The following CARF variants were observed in gnomAD, a reference collection of about 807,000 sequenced individuals.
CARF encodes the protein calcium responsive transcription factor.
Under a neutral mutation model 82.0 loss-of-function variants are expected in CARF, and 57 were observed. The observed-to-expected ratio is 0.70, with a 90% CI of 0.56 to 0.87. CARF has a LOEUF of 0.87. CARF is among the 40% of genes least tolerant of loss of function. The pLI is 0.00. For missense variants in CARF, 771 were observed against 855.8 expected, an observed-to-expected ratio of 0.90 and a Z score of 1.24; for synonymous variants, 268 against 290.1, an observed-to-expected ratio of 0.92 and a Z score of 0.77.
chr2:202,930,170 C>T (rs1289660750), intron 3 of CARF, among the ~76,000 whole-genome samples: 1 of 152,132 alleles, frequency 6.6e-6, no homozygotes, highest in African/African-American at 2.4e-5. Context: ...GCCTTAGCCT[C>T]CTGAATAGCC....
At chr2:202,963,201 C>T (rs1405857438) in intron 9 of CARF, 1 of 152,236 alleles carries the variant, frequency 6.6e-6, no homozygotes, top group African/African-American at 2.4e-5. Context: ...GCCTCTAGTC[C>T]CAGCTACGCG....
intron 3 of CARF, among the ~76,000 whole-genome samples, chr2:202,935,506 A>G (rs528988166): frequency 1.3e-5 from 2 of 151,948 alleles, no homozygotes; most frequent in African/African-American, 4.8e-5. Flanking sequence ...CAGTGGCACA[A>G]TCACAGCTCC....
chr2:202,970,270 C>T (rs1327922167), intron 11 of CARF, among the ~76,000 whole-genome samples: 1 of 152,076 alleles, frequency 6.6e-6, no homozygotes, highest in Non-Finnish European at 1.5e-5. Flanking sequence ...ATAATTCAGA[C>T]CAAAGAATTA....
chr2:202,967,727 A>G (rs1371547210), intron 10 of CARF, among the ~76,000 whole-genome samples: 1 of 152,240 alleles, frequency 6.6e-6, no homozygotes. Flanking sequence ...GTGTTTCAGT[A>G]GGAAAAATTC....
Position 202,954,026 on chromosome 2 carries a change from G to T in CARF, c.449G>T (p.Ser150Ile). Residue 150 changes from serine to isoleucine, a missense_variant, in exon 7 of 17, where the codon AGT becomes ATT. Transcript: ENST00000438828. ...TAAGATGTCCCTGAAGAGAAACCCA[G>T]TAACAGAAACTTACCAACTGTAAGA... ...SPRDVPEEKP[S>I]NRNLPTVRVD... 1 of 1,608,154 alleles carries T rather than the reference G, an allele frequency of 6.2e-7. No individual in the cohort carries two copies. The highest frequency in any genetic ancestry group is 8.5e-7 in the Non-Finnish European group (1 of 1,177,944).
At chr2:202,977,971 G>C (rs1236837805) in intron 14 of CARF, among the ~76,000 whole-genome samples, 3 of 152,000 alleles carry the variant, frequency 2.0e-5, no homozygotes, top group African/African-American at 7.2e-5. Context: ...TCAGCCTCCC[G>C]AGTAGCTGGG....
intron 1 of CARF, among the ~76,000 whole-genome samples, chr2:202,915,594 C>A (rs1377870042): frequency 6.6e-6 from 1 of 152,096 alleles, no homozygotes; most frequent in Non-Finnish European, 1.5e-5. Flanking sequence ...CTCAGCCTCC[C>A]GAGTAGCTGG....
At chr2:202,935,133 T>C (rs905333977) in intron 3 of CARF, among the ~76,000 whole-genome samples, 1 of 139,604 alleles carries the variant, frequency 7.2e-6, no homozygotes, top group African/African-American at 2.6e-5. Flanking sequence ...TTTATAATTA[T>C]ATAATATAAT....
intron 3 of CARF, among the ~76,000 whole-genome samples, chr2:202,936,455 T>C (rs1025436060): frequency 6.6e-6 from 1 of 152,208 alleles, no homozygotes; most frequent in African/African-American, 2.4e-5. Context: ...GCCTCTGGCA[T>C]CCACCAGTCT....
chr2:202,914,021 A>G (rs1689134366), intron 1 of CARF, among the ~76,000 whole-genome samples: 1 of 152,118 alleles, frequency 6.6e-6, no homozygotes, highest in Non-Finnish European at 1.5e-5. Context: ...ATAACTAAAT[A>G]CCCAGCATTA....
At chr2:202,948,513 A>T (rs1383452003) in intron 5 of CARF, among the ~76,000 whole-genome samples, 1 of 151,932 alleles carries the variant, frequency 6.6e-6, no homozygotes, top group Non-Finnish European at 1.5e-5. Flanking sequence ...ATTTGTTCGT[A>T]TCTTCTCTGA....
chr2:202,957,669 CT>C (rs924614756), intron 8 of CARF, among the ~76,000 whole-genome samples: 34 of 152,162 alleles, frequency 2.2e-4, no homozygotes, highest in African/African-American at 8.2e-4. Context: ...TATTTACTAG[CT>C]TAGGCCGGGT....
intron 3 of CARF, among the ~76,000 whole-genome samples, chr2:202,941,049 T>G (rs1200336887): frequency 3.3e-5 from 5 of 152,010 alleles, no homozygotes; most frequent in Admixed American, 3.3e-4. Flanking sequence ...TCTCAAATAA[T>G]ATAGGTATAA....
At chr2:202,974,653 C>T (rs1482983331) in intron 13 of CARF, among the ~76,000 whole-genome samples, 157 bp downstream of exon 13, 1 of 152,112 alleles carries the variant, frequency 6.6e-6, no homozygotes, top group Non-Finnish European at 1.5e-5. Flanking sequence ...AATCCCAACA[C>T]TTTGGGAGGC....
rs1198838924 is a variant in CARF at position 202,986,312 on chromosome 2, T to G, written c.*2688T>G. The stretch of plus-strand genomic sequence containing the variant: ...TTTAAAATGTTTAATTATTTTGAAA[T>G]GTATAGGGTATTAAATACAAGCTTC... On this transcript the variant is annotated 3_prime_UTR_variant, in exon 17 of 17. Transcript: ENST00000438828. 6.6e-6 allele frequency: 1 copy of G among 152,166 alleles called. No individual in the cohort carries two copies. The highest frequency in any genetic ancestry group is 1.5e-5 in the Non-Finnish European group (1 of 67,992). The allele number at this position is 152,166 out of a possible 1,614,324, so 9.4% of individuals were successfully genotyped here.
At chr2:202,945,021 A>C (rs933032731) in intron 5 of CARF, among the ~76,000 whole-genome samples, 1 of 152,220 alleles carries the variant, frequency 6.6e-6, no homozygotes, top group Non-Finnish European at 1.5e-5. Flanking sequence ...AATAGGAAAC[A>C]TGGTATGAAG....
Position 202,981,618 on chromosome 2 carries a change from C to T in CARF, c.1622C>T (p.Ser541Phe). The change falls in exon 15 of 17, where the codon TCT (serine) becomes TTT (phenylalanine). Residue 541 changes from serine (S) to phenylalanine (F), a missense_variant. By Grantham distance (155) the Ser-to-Phe change is radical. Transcript: ENST00000438828. ...ACAAATCAGACCAGGGGTTCTTTGTCTCCTGAGCCAACCCACTTGCTCTCC... is the reference window on the plus strand; with the variant it reads ...ACAAATCAGACCAGGGGTTCTTTGTTTCCTGAGCCAACCCACTTGCTCTCC... ...VETNQTRGSL[S>F]PEPTHLLSSL... 1 of 1,611,708 alleles carries T rather than the reference C, an allele frequency of 6.2e-7. No homozygotes were observed. Among genetic ancestry groups the T allele is most frequent in the Non-Finnish European group, 8.5e-7 (1 of 1,178,418 alleles).
intron 3 of CARF, among the ~76,000 whole-genome samples, chr2:202,933,598 A>T (rs532665521): frequency 2.0e-5 from 3 of 152,160 alleles, no homozygotes; most frequent in Admixed American, 6.5e-5. Flanking sequence ...TGGAGGCCGG[A>T]TGCTTCCTTC....
At chr2:202,981,436 T>C in intron 14 of CARF, 119 bp from the exon 15 acceptor site, 1 of 764,390 alleles carries the variant, frequency 1.3e-6, no homozygotes, top group South Asian at 2.4e-5. Flanking sequence ...TGAAGTCCTT[T>C]GCAAAACTTT....
Sources: gnomAD v4.1 joint callset for allele counts (sites outside exome capture counted in the v4.1 genomes callset) on GRCh38, gnomAD v4.1.1 for gene constraint, MANE v1.5 for transcripts, NCBI Gene and HGNC (gene_info 2026-07-23, HGNC 2026-07-21) for gene names.